The following FAM135B variants were observed in gnomAD, a reference collection of about 807,000 sequenced individuals.
FAM135B encodes the protein family with sequence similarity 135 member B.
A neutral mutation model predicts 127.7 loss-of-function variants in FAM135B; 43 were observed. That is an observed-to-expected ratio of 0.34 (90% CI 0.26 to 0.43). FAM135B has a LOEUF of 0.43. FAM135B is among the 20% of genes least tolerant of loss of function. The pLI is 1.00. For missense variants in FAM135B, 1,558 were observed against 1,725.6 expected (o/e 0.90, Z 1.72); for synonymous variants, 670 against 665.1 (o/e 1.01, Z -0.11).
At chr8:138,164,498 G>A (rs1468294011) in intron 12 of FAM135B, among the ~76,000 whole-genome samples, 1 of 152,192 alleles carries the variant, frequency 6.6e-6, no homozygotes, top group East Asian at 1.9e-4. Context: ...AAAGGGAAAA[G>A]CCAAGCTGGG....
intron 11 of FAM135B, among the ~76,000 whole-genome samples, chr8:138,172,237 C>T (rs924313351): frequency 4.6e-5 from 7 of 152,154 alleles, no homozygotes; most frequent in Non-Finnish European, 8.8e-5. Context: ...TTCTGACTCT[C>T]CAAGGCTCTG....
chr8:138,140,153 A>C (rs1817006693), intron 17 of FAM135B, among the ~76,000 whole-genome samples: 1 of 152,204 alleles, frequency 6.6e-6, no homozygotes, highest in South Asian at 2.1e-4. Flanking sequence ...TGCAGAGGAA[A>C]GGACTTCCAT....
chr8:138,292,198 G>A (rs796107917), intron 3 of FAM135B, among the ~76,000 whole-genome samples: 2 of 152,060 alleles, frequency 1.3e-5, no homozygotes, highest in African/African-American at 4.8e-5. Flanking sequence ...AATACTTAGG[G>A]ACAAATTTAA....
chr8:138,265,782 T>C lies in FAM135B; in HGVS notation c.218A>G (p.Gln73Arg), dbSNP rs372704367. 2.0e-5 allele frequency: 32 copies of C among 1,613,984 alleles called. No individual in the cohort carries two copies. The African/African-American group carries it at 3.6e-4, about 18-fold the overall frequency. ...TACCTCTTCATTCCGGTATAAGATC[T>C]GAAAGACCCGGCTGTGCACGGTGCT... ...HDSTVHSRVF[Q>R]ILYRNEEVPI... Residue 73 changes from glutamine (Q) to arginine (R), a missense_variant, in exon 4 of 20, where the codon CAG becomes CGG. By Grantham distance (43) the Gln-to-Arg change is conservative (BLOSUM62 1). This residue lies in a region of FAM135B where 199 missense variants were observed against 245.7 expected (regional missense o/e 0.81). Coordinates refer to ENST00000395297, the MANE Select transcript of FAM135B (RefSeq NM_015912.4).
intron 1 of FAM135B, among the ~76,000 whole-genome samples, chr8:138,368,481 A>T (rs1830906088): frequency 6.6e-6 from 1 of 152,256 alleles, no homozygotes; most frequent in Non-Finnish European, 1.5e-5. Context: ...TAAATATGCC[A>T]CATTGAGCAC....
chr8:138,419,602 T>G (rs945960259), intron 1 of FAM135B, among the ~76,000 whole-genome samples: 5 of 152,110 alleles, frequency 3.3e-5, no homozygotes, highest in African/African-American at 1.2e-4. Context: ...AACCACACAT[T>G]TGGCCATAAG....
At chr8:138,208,016 G>T (rs191276552) in intron 7 of FAM135B, among the ~76,000 whole-genome samples, 2 of 152,302 alleles carry the variant, frequency 1.3e-5, no homozygotes, top group African/African-American at 4.8e-5. Flanking sequence ...TTGGGGAAAA[G>T]AAGGTATTGT....
rs1231765468 is a variant in FAM135B at position 138,243,878 on chromosome 8, T to C, written c.543-810A>G. 1.3e-5 allele frequency among the ~76,000 whole-genome samples: 2 copies of C among 152,222 alleles called. No individual in the cohort carries two copies. The highest frequency in any genetic ancestry group is 2.1e-4 in the South Asian group (1 of 4,832). ...CATTTCTTTTCTAATGGATGTTTTG[T>C]CATATTGTGGATACTATATTCTAGG... On this transcript the variant is annotated intron_variant, in intron 6 of 19. Coordinates refer to ENST00000395297, the MANE Select transcript of FAM135B (RefSeq NM_015912.4). This position sits in a 1 kb window ranked among gnomAD's most constrained non-coding sequence, Gnocchi z 7.5.
intron 2 of FAM135B, among the ~76,000 whole-genome samples, chr8:138,336,720 T>C (rs919077656): frequency 6.6e-6 from 1 of 152,012 alleles, no homozygotes; most frequent in Non-Finnish European, 1.5e-5. Context: ...TTATTACAAT[T>C]AATAGAAAAA....
At chr8:138,404,050 T>A (rs926279856) in intron 1 of FAM135B, among the ~76,000 whole-genome samples, 1 of 152,118 alleles carries the variant, frequency 6.6e-6, no homozygotes, top group Non-Finnish European at 1.5e-5. Context: ...TACACCATTT[T>A]GAGTGATTTT....
intron 1 of FAM135B, among the ~76,000 whole-genome samples, chr8:138,471,427 T>C (rs1837670249): frequency 6.6e-6 from 1 of 151,876 alleles, no homozygotes; most frequent in African/African-American, 2.4e-5. Flanking sequence ...GAGGGAAGGA[T>C]GAAGATGGAG....
At chr8:138,435,681 G>T (rs1429871175) in intron 1 of FAM135B, among the ~76,000 whole-genome samples, 2 of 151,568 alleles carry the variant, frequency 1.3e-5, no homozygotes, top group East Asian at 3.9e-4. Context: ...TAAAATTTAG[G>T]TCTACAATAA....
intron 1 of FAM135B, among the ~76,000 whole-genome samples, chr8:138,454,952 T>C (rs4410911): frequency 0.47 from 71,750 of 152,092 alleles, 17,619 homozygotes; most frequent in African/African-American, 0.55. Context: ...AATAAACGTA[T>C]TGAGTCAATG....
rs1820775181 is a variant in FAM135B, at chr8:138,241,564, C to A, written c.669+1378G>T. 6.6e-6 allele frequency among the ~76,000 whole-genome samples: 1 copy of A among 152,178 alleles called. No individual in the cohort carries two copies. Among genetic ancestry groups the A allele is most frequent in the Admixed American group, 6.5e-5 (1 of 15,276 alleles). On this transcript the variant is annotated intron_variant, in intron 7 of 19. Transcript: ENST00000395297. The surrounding 1 kb of genome is among the most constrained non-coding windows in gnomAD (Gnocchi z 4.8). ...TGGGTCTCAGAGCTAGCAAAGATAA[C>A]ATCACAGGAGAGCCAGCTGAGTGCA...
At chr8:138,295,233 C>CA (rs1825401771) in intron 3 of FAM135B, among the ~76,000 whole-genome samples, 1 of 146,272 alleles carries the variant, frequency 6.8e-6, no homozygotes, top group Non-Finnish European at 1.5e-5. Flanking sequence ...TCCATCTGTG[C>CA]AAAAAGGAGA....
chr8:138,362,722 T>C (rs1830508040), intron 2 of FAM135B, among the ~76,000 whole-genome samples: 1 of 152,212 alleles, frequency 6.6e-6, no homozygotes, highest in African/African-American at 2.4e-5. Context: ...TGTTATCTAA[T>C]TGGGATACAC....
chr8:138,453,502 G>A (rs11786552), intron 1 of FAM135B, among the ~76,000 whole-genome samples: 54,647 of 151,394 alleles, frequency 0.36, 11,225 homozygotes, highest in Non-Finnish European at 0.47. Context: ...TGCTGGTCCC[G>A]GACTCCCTCA....
At chr8:138,147,527 C>T (rs1165463095) in intron 14 of FAM135B, among the ~76,000 whole-genome samples, 1 of 152,152 alleles carries the variant, frequency 6.6e-6, no homozygotes, top group African/African-American at 2.4e-5. Context: ...GTGCTCCGCT[C>T]TCTGTTAATA....
chr8:138,143,319 T>G (rs1817373472), intron 15 of FAM135B, among the ~76,000 whole-genome samples: 1 of 152,074 alleles, frequency 6.6e-6, no homozygotes, highest in Non-Finnish European at 1.5e-5. Flanking sequence ...TCAGGAACGC[T>G]CAGCTGGGAG....
Sources: allele counts gnomAD v4.1 joint callset (sites outside exome capture counted in the v4.1 genomes callset), GRCh38; gene constraint gnomAD v4.1.1; regional missense constraint gnomAD v4.1.1; non-coding constraint Gnocchi (gnomAD v3.1); transcripts MANE v1.5; gene names NCBI Gene and HGNC (gene_info 2026-07-23, HGNC 2026-07-21).